STK32B: variants seen among roughly 807,000 people sequenced by gnomAD.
STK32B encodes the protein serine/threonine kinase 32B, also known as serine/threonine-protein kinase 32B.
A neutral mutation model predicts 52.6 loss-of-function variants in STK32B; 43 were observed. That is an observed-to-expected ratio of 0.82 (90% CI 0.64 to 1.05). The LOEUF (loss-of-function observed/expected upper bound fraction) is 1.05, where lower values mean the gene tolerates loss of function less well. Ranked by LOEUF, STK32B falls within the 50% of genes least tolerant of loss-of-function variation. The probability of loss-of-function intolerance (pLI) is 0.00; values close to 1 mark genes in which losing one functional copy is unlikely to be tolerated. For synonymous variants in STK32B, 238 were observed against 204.3 expected, an observed-to-expected ratio of 1.17 and a Z score of -1.41; for missense variants, 621 against 534.6, an observed-to-expected ratio of 1.16 and a Z score of -1.59.
intron 3 of STK32B, among the ~76,000 whole-genome samples, chr4:5,207,897 TC>T (rs926557106): frequency 6.6e-6 from 1 of 152,108 alleles, no homozygotes; most frequent in African/African-American, 2.4e-5. Flanking sequence ...ATTTTGCTTT[TC>T]CTCTCTTTTT....
Position 5,355,728 on chromosome 4 carries a change from C to A in STK32B, c.434+24335C>A, listed in dbSNP as rs536222323. Among the ~76,000 whole-genome samples the A allele has an allele frequency of 2.6e-5, 4 of 152,260 alleles. No homozygotes were observed. The East Asian group carries it at 7.7e-4, about 29-fold the overall frequency. The stretch of plus-strand genomic sequence containing the variant: ...ATATCTCCACACATCATCAAATGTG[C>A]TCCAGAGAGTGATATCACCCCTGGA... On this transcript the variant is annotated intron_variant, in intron 4 of 11. Transcript: ENST00000282908.
At chr4:5,422,845 GT>G (rs956168375) in intron 6 of STK32B, among the ~76,000 whole-genome samples, 5 of 152,184 alleles carry the variant, frequency 3.3e-5, no homozygotes, top group African/African-American at 1.2e-4. Flanking sequence ...TTTTAAGACA[GT>G]TTCCTGGAGA....
intron 6 of STK32B, among the ~76,000 whole-genome samples, chr4:5,441,607 G>C (rs1714766577): frequency 6.6e-6 from 1 of 151,862 alleles, no homozygotes; most frequent in Admixed American, 6.6e-5. Flanking sequence ...ATTTCCTTCA[G>C]TTCTGCTCTG....
At chr4:5,074,066 A>C (rs985219093) in intron 1 of STK32B, among the ~76,000 whole-genome samples, 2 of 151,948 alleles carry the variant, frequency 1.3e-5, no homozygotes, top group African/African-American at 4.8e-5. Flanking sequence ...CTCTCCTCCC[A>C]CACATCCCTC....
rs569415951 is a variant in STK32B at position 5,064,881 on chromosome 4, C to T, written c.52+12966C>T. 2.8e-5 allele frequency among the ~76,000 whole-genome samples: 4 copies of T among 145,274 alleles called. No homozygotes were observed. The East Asian group carries it at 5.9e-4, about 22-fold the overall frequency. On this transcript the variant is annotated intron_variant, in intron 1 of 11. Transcript: ENST00000282908. ...TTATATAATATATAAAAATATATTTCTCCATAAGAAAACCTTCTCCTCCTT... is the reference window on the plus strand; with the variant it reads ...TTATATAATATATAAAAATATATTTTTCCATAAGAAAACCTTCTCCTCCTT...
chr4:5,232,276 A>G (rs1724324714), intron 3 of STK32B, among the ~76,000 whole-genome samples: 2 of 152,322 alleles, frequency 1.3e-5, no homozygotes, highest in South Asian at 2.1e-4. Flanking sequence ...TGATTTAATA[A>G]TATGTGGACT....
intron 3 of STK32B, among the ~76,000 whole-genome samples, chr4:5,328,930 G>A (rs1043931977): frequency 3.9e-5 from 6 of 152,162 alleles, no homozygotes; most frequent in Non-Finnish European, 7.3e-5. Flanking sequence ...GCTGGTGGCC[G>A]GGCGCGGTGG....
intron 4 of STK32B, among the ~76,000 whole-genome samples, chr4:5,387,239 A>G (rs914532523): frequency 1.2e-4 from 19 of 152,192 alleles, no homozygotes; most frequent in African/African-American, 4.3e-4. Context: ...TGGTTGCCTC[A>G]TGACAAATTT....
At chr4:5,344,103 T>C (rs987845971) in intron 4 of STK32B, among the ~76,000 whole-genome samples, 5 of 152,202 alleles carry the variant, frequency 3.3e-5, no homozygotes, top group African/African-American at 9.6e-5. Flanking sequence ...AGAGAACTCA[T>C]GCCTCCTGTG....
intron 1 of STK32B, among the ~76,000 whole-genome samples, chr4:5,088,905 C>T (rs1047733493): frequency 6.6e-6 from 1 of 151,084 alleles, no homozygotes; most frequent in African/African-American, 2.4e-5. Flanking sequence ...GAAGAACAAA[C>T]TAAATCCAAC....
chr4:5,084,750 T>TA (rs1712623674), intron 1 of STK32B, among the ~76,000 whole-genome samples: 1 of 152,228 alleles, frequency 6.6e-6, no homozygotes, highest in South Asian at 2.1e-4. Context: ...TTAGTCCACT[T>TA]AGTTTTTGTA....
chr4:5,496,521 C>T lies in STK32B; in HGVS notation c.1107-2424C>T, dbSNP rs546034212. ...GGAAAGGGAACTCCCTGACCCCTTG[C>T]GCTTCCCGAGTGAGGCAATGCCTTG... On this transcript the variant is annotated intron_variant, in intron 11 of 11. Coordinates refer to ENST00000282908, the MANE Select transcript of STK32B (RefSeq NM_018401.3). 1.6e-4 allele frequency among the ~76,000 whole-genome samples: 23 copies of T among 142,726 alleles called. No homozygotes were observed. In the South Asian group the frequency reaches 4.0e-3, roughly 25 times the overall value. 93.6% of individuals were successfully genotyped at this position (142,726 alleles called of 152,430 possible).
In STK32B at chr4:5,245,927, T is replaced by A. The variant is rs554613728; in HGVS notation, c.260+77477T>A. ...CCACTCTCTTCTGGCTTGTAGAGTT[T>A]CTGCTGAGAGATCCACTGTTAGTCT... On this transcript the variant is annotated intron_variant, in intron 3 of 11. Transcript: ENST00000282908. Among the ~76,000 whole-genome samples the A allele has an allele frequency of 2.6e-5, 4 of 152,350 alleles. No homozygotes were observed. In the East Asian group the frequency reaches 7.7e-4, roughly 29 times the overall value.
At position 5,453,119 on chromosome 4, in the gene STK32B, G is replaced by A. The variant is rs539670688; in HGVS notation, c.667-3688G>A. On this transcript the variant is annotated intron_variant, in intron 7 of 11. Transcript: ENST00000282908. This position sits in a 1 kb window ranked among gnomAD's most constrained non-coding sequence, Gnocchi z 4.0. ...TCATGTTCCGAACTCATTTCTAAAT[G>A]TATTTCCTGCACTGGCTTCCTAGTG... Among the ~76,000 whole-genome samples, 5 of 152,048 alleles carry A rather than the reference G, an allele frequency of 3.3e-5. No homozygotes were observed. The highest frequency in any genetic ancestry group is 9.7e-5 in the African/African-American group (4 of 41,392).
intron 5 of STK32B, among the ~76,000 whole-genome samples, chr4:5,402,698 G>A (rs1051220251): frequency 1.3e-5 from 2 of 152,198 alleles, no homozygotes; most frequent in African/African-American, 2.4e-5. Flanking sequence ...TGAGTAGTGG[G>A]ATCTTTTACA....
chr4:5,079,441 G>A (rs1351959882), intron 1 of STK32B, among the ~76,000 whole-genome samples: 1 of 152,092 alleles, frequency 6.6e-6, no homozygotes, highest in African/African-American at 2.4e-5. Context: ...TCCTAGCCAG[G>A]AAAGAGACAT....
intron 3 of STK32B, among the ~76,000 whole-genome samples, chr4:5,317,192 CATATATATATTATAT>C (rs1183036127): frequency 2.6e-5 from 1 of 38,340 alleles, no homozygotes; most frequent in Non-Finnish European, 3.6e-5. Context: ...ATATATATAA[CATATATATATTATAT>C]ATATAACATA....
rs1056787105 is a variant in STK32B, at chr4:5,310,603, A to G, written c.261-20617A>G. 7.9e-5 allele frequency among the ~76,000 whole-genome samples: 12 copies of G among 152,180 alleles called. 1 individual carries two copies. In the South Asian group the frequency reaches 1.9e-3, roughly 24 times the overall value. On this transcript the variant is annotated intron_variant, in intron 3 of 11. Coordinates refer to ENST00000282908, the MANE Select transcript of STK32B (RefSeq NM_018401.3). ...ACTGTAGGTGGGAATTCAAATTAGT[A>G]TAGCCATTATGGAAAACAGTATGGA...
At chr4:5,184,431 A>G (rs1225431517) in intron 3 of STK32B, among the ~76,000 whole-genome samples, 1 of 152,154 alleles carries the variant, frequency 6.6e-6, no homozygotes, top group Non-Finnish European at 1.5e-5. Context: ...AATATCAAAG[A>G]TTATTGATCA....
Sources: gnomAD v4.1 joint callset for allele counts (sites outside exome capture counted in the v4.1 genomes callset) on GRCh38, gnomAD v4.1.1 for gene constraint, Gnocchi (gnomAD v3.1) non-coding constraint, MANE v1.5 for transcripts, NCBI Gene and HGNC (gene_info 2026-07-23, HGNC 2026-07-21) for gene names.